ADGRL2: variants seen among roughly 807,000 people sequenced by gnomAD.
ADGRL2 encodes adhesion G protein-coupled receptor L2.
Under a neutral mutation model 157.4 loss-of-function variants are expected in ADGRL2, and 44 were observed. The ratio of observed to expected loss-of-function variants is 0.28; its 90% CI spans 0.22 to 0.36. ADGRL2 has a LOEUF of 0.36. ADGRL2 is among the 10% of genes least tolerant of loss of function. The pLI is 1.00. For missense variants in ADGRL2, 1,510 were observed against 1,768.9 expected (o/e 0.85, Z 2.63); for synonymous variants, 585 against 624.7 (o/e 0.94, Z 0.95).
At chr1:81,985,118 G>A (rs1662781242) in intron 20 of ADGRL2, 141 bp from the exon 21 acceptor site, 1 of 503,740 alleles carries the variant, frequency 2.0e-6, no homozygotes, top group African/African-American at 2.0e-5. Flanking sequence ...GTTAGTTTTA[G>A]ACCAGAAAAA....
At chr1:81,462,091 T>A (rs1471227378) in intron 2 of ADGRL2, among the ~76,000 whole-genome samples, 1 of 152,136 alleles carries the variant, frequency 6.6e-6, no homozygotes, top group South Asian at 2.1e-4. Context: ...TGTGTCCAGC[T>A]AGAGGATTGT....
chr1:81,500,809 G>A (rs2078829729), intron 2 of ADGRL2, among the ~76,000 whole-genome samples: 1 of 152,090 alleles, frequency 6.6e-6, no homozygotes, highest in Non-Finnish European at 1.5e-5. Context: ...GTACTTAAAA[G>A]TGCTTAAAAT....
intron 1 of ADGRL2, among the ~76,000 whole-genome samples, chr1:81,333,211 T>C (rs1661388935): frequency 6.6e-6 from 1 of 152,074 alleles, no homozygotes; most frequent in South Asian, 2.1e-4. Flanking sequence ...TACCCGGATC[T>C]GGACTTTTTA....
At chr1:81,647,009 T>C (rs1243856951) in intron 3 of ADGRL2, among the ~76,000 whole-genome samples, 1 of 152,254 alleles carries the variant, frequency 6.6e-6, no homozygotes, top group Non-Finnish European at 1.5e-5. Context: ...CTGATACTTA[T>C]ATTTATAGTC....
intron 1 of ADGRL2, among the ~76,000 whole-genome samples, chr1:81,435,624 G>C (rs916904853): frequency 5.3e-5 from 8 of 152,174 alleles, no homozygotes; most frequent in African/African-American, 1.9e-4. Context: ...TTTAATTCAA[G>C]ATGGTTAATT....
intron 1 of ADGRL2, among the ~76,000 whole-genome samples, chr1:81,307,900 A>T (rs370678013): frequency 3.3e-5 from 5 of 152,124 alleles, no homozygotes; most frequent in African/African-American, 1.2e-4. Context: ...AAGCCCTGTC[A>T]TTGTTAGCAT....
chr1:81,401,220 C>T (rs1024003302), intron 1 of ADGRL2, among the ~76,000 whole-genome samples: 1 of 152,174 alleles, frequency 6.6e-6, no homozygotes, highest in African/African-American at 2.4e-5. Context: ...GGCAGTACCA[C>T]TTCAGCTCAG....
At chr1:81,323,996 T>A (rs1660710376) in intron 1 of ADGRL2, among the ~76,000 whole-genome samples, 1 of 152,178 alleles carries the variant, frequency 6.6e-6, no homozygotes, top group African/African-American at 2.4e-5. Context: ...CTATTGAAAG[T>A]GCCAGGAGAA....
intron 21 of ADGRL2, among the ~76,000 whole-genome samples, chr1:81,985,648 C>A (rs1190510414): frequency 6.6e-6 from 1 of 151,768 alleles, no homozygotes; most frequent in Non-Finnish European, 1.5e-5. Context: ...ACTTTTTTAA[C>A]CTTTCTTTCA....
chr1:81,332,037 G>T (rs1186824350), intron 1 of ADGRL2, among the ~76,000 whole-genome samples: 1 of 151,952 alleles, frequency 6.6e-6, no homozygotes, highest in Non-Finnish European at 1.5e-5. Context: ...CTTTCCATGG[G>T]CCCAAGTTGT....
intron 3 of ADGRL2, among the ~76,000 whole-genome samples, chr1:81,587,832 G>T (rs951149525): frequency 6.6e-6 from 1 of 152,062 alleles, no homozygotes; most frequent in Non-Finnish European, 1.5e-5. Flanking sequence ...ATTAAGGAGG[G>T]ATTTTAGGTT....
At chr1:81,717,383 C>G (rs922753450) in intron 1 of ADGRL2, among the ~76,000 whole-genome samples, 3 of 152,298 alleles carry the variant, frequency 2.0e-5, no homozygotes, top group South Asian at 2.1e-4. Context: ...TGACTTTTCA[C>G]CATCAAAATT....
chr1:81,896,863 C>G (rs376968183), intron 2 of ADGRL2, among the ~76,000 whole-genome samples: 4 of 152,098 alleles, frequency 2.6e-5, no homozygotes, highest in Non-Finnish European at 4.4e-5. Flanking sequence ...ATTCATATAT[C>G]CATTTATTTA....
At chr1:81,914,243 A>G (rs535993625) in intron 3 of ADGRL2, among the ~76,000 whole-genome samples, 1 of 152,206 alleles carries the variant, frequency 6.6e-6, no homozygotes, top group Non-Finnish European at 1.5e-5. Context: ...TATGAAAGAT[A>G]TTTTTATTTA....
intron 1 of ADGRL2, among the ~76,000 whole-genome samples, chr1:81,416,381 T>C (rs564381572): frequency 6.6e-6 from 1 of 152,136 alleles, no homozygotes; most frequent in East Asian, 1.9e-4. Flanking sequence ...CATTCATCTC[T>C]ACCTCTTACA....
chr1:81,503,300 A>G (rs2078895896), intron 2 of ADGRL2: 1 of 1,614,056 alleles, frequency 6.2e-7, no homozygotes, highest in African/African-American at 1.3e-5. Flanking sequence ...GGCACCACCT[A>G]CGCAGGTGTG....
intron 1 of ADGRL2, among the ~76,000 whole-genome samples, chr1:81,805,601 T>C (rs892531643): frequency 6.6e-6 from 1 of 151,944 alleles, no homozygotes; most frequent in Admixed American, 6.6e-5. Flanking sequence ...TCCTTTTTTT[T>C]TGGATTACAA....
intron 1 of ADGRL2, among the ~76,000 whole-genome samples, chr1:81,712,880 AGCC>A (rs1178802143): frequency 6.0e-4 from 89 of 147,528 alleles, no homozygotes; most frequent in African/African-American, 2.1e-3. Flanking sequence ...CTCCTGCCTC[AGCC>A]TCCTGTGTAG....
At chr1:81,314,721 A>T (rs1659989082) in intron 1 of ADGRL2, among the ~76,000 whole-genome samples, 1 of 152,170 alleles carries the variant, frequency 6.6e-6, no homozygotes, top group Admixed American at 6.5e-5. Context: ...CAGGAAGTCA[A>T]CATGTTACAC....
Sources: gnomAD v4.1 joint callset for allele counts (sites outside exome capture counted in the v4.1 genomes callset) on GRCh38, gnomAD v4.1.1 for gene constraint, MANE v1.5 for transcripts, NCBI Gene and HGNC (gene_info 2026-07-23, HGNC 2026-07-21) for gene names.